GUCY2C: variants seen among roughly 807,000 people sequenced by gnomAD.
GUCY2C encodes guanylyl cyclase C.
In GUCY2C, 118 loss-of-function variants were observed where a neutral mutation model predicts 131.1. The observed-to-expected ratio is 0.90, with a 90% CI of 0.78 to 1.05. The LOEUF is 1.05. Ranked by LOEUF, GUCY2C falls within the 50% of genes least tolerant of loss-of-function variation. The pLI, the probability that GUCY2C is intolerant of heterozygous loss-of-function variation, is 0.00. For synonymous variants in GUCY2C, 452 were observed against 457.8 expected, an observed-to-expected ratio of 0.99 and a Z score of 0.16; for missense variants, 1,161 against 1,304.4, an observed-to-expected ratio of 0.89 and a Z score of 1.69.
intron 5 of GUCY2C, among the ~76,000 whole-genome samples, chr12:14,681,112 G>A (rs1304708246): frequency 1.3e-5 from 2 of 151,964 alleles, no homozygotes; most frequent in African/African-American, 2.4e-5. Flanking sequence ...TAGCATTATC[G>A]TTATTATGTT....
chr12:14,655,968 A>C (rs1011292784), intron 12 of GUCY2C, among the ~76,000 whole-genome samples: 1 of 152,196 alleles, frequency 6.6e-6, no homozygotes, highest in African/African-American at 2.4e-5. Flanking sequence ...TTTCCTCATC[A>C]GCAAAATTAT....
chr12:14,676,322 G>A (rs886694214), intron 7 of GUCY2C, among the ~76,000 whole-genome samples: 2 of 152,100 alleles, frequency 1.3e-5, no homozygotes. Context: ...ATGGCATAAT[G>A]GAATAACAGG....
chr12:14,675,219 AAAAAAAAAAAG>A, intron 7 of GUCY2C, among the ~76,000 whole-genome samples: 1 of 147,992 alleles, frequency 6.8e-6, no homozygotes, highest in Non-Finnish European at 1.5e-5. Context: ...AAAAAAAAAA[AAAAAAAAAAAG>A]AAAAAAAGAA....
At chr12:14,639,825 G>T in intron 19 of GUCY2C, 37 bp downstream of exon 19, 1 of 1,222,234 alleles carries the variant, frequency 8.2e-7, no homozygotes, top group Non-Finnish European at 1.2e-6. Context: ...TAATTTTATA[G>T]CAGGCCAAGG....
chr12:14,627,402 A>C (rs1199388500), intron 20 of GUCY2C, among the ~76,000 whole-genome samples: 1 of 152,180 alleles, frequency 6.6e-6, no homozygotes, highest in Non-Finnish European at 1.5e-5. Context: ...TTTTACTTGA[A>C]ACTGCCAGTA....
intron 7 of GUCY2C, 52 bp from the exon 8 acceptor site, chr12:14,674,812 C>T: frequency 7.1e-7 from 1 of 1,417,928 alleles, no homozygotes; most frequent in Middle Eastern, 1.9e-4. Flanking sequence ...AGAATCTTGT[C>T]TTGAGCCTAG....
intron 2 of GUCY2C, 124 bp from the exon 3 acceptor site, chr12:14,686,349 TCAGAGCAA>T: frequency 1.4e-6 from 1 of 690,630 alleles, no homozygotes; most frequent in Non-Finnish European, 2.6e-6. Context: ...ATGCTCAAAC[TCAGAGCAA>T]CATAGGGTGC....
chr12:14,643,652 T>C lies in GUCY2C; in HGVS notation c.1852A>G (p.Thr618Ala). 6.2e-7 allele frequency: 1 copy of C among 1,613,192 alleles called. No individual in the cohort carries two copies. Among genetic ancestry groups the C allele is most frequent in the Non-Finnish European group, 8.5e-7 (1 of 1,179,122 alleles). Residue 618 changes from threonine to alanine, a missense_variant, in exon 17 of 27, where the codon ACC (threonine) becomes GCC (alanine). Transcript: ENST00000261170. ...ATTCTACTGTCCACTACGCAGTTGG[T>C]AGATTTCAGACGACCATGGACTTCT... ...KTEVHGRLKSTNCVVDSRMVV... is the reference protein window; with the variant it reads ...KTEVHGRLKSANCVVDSRMVV...
intron 8 of GUCY2C, 152 bp downstream of exon 8, chr12:14,674,473 C>T (rs780958496): frequency 3.3e-5 from 26 of 786,218 alleles, no homozygotes; most frequent in Non-Finnish European, 4.3e-5. Flanking sequence ...ACAGCACCCT[C>T]AAAGTTTATG....
intron 2 of GUCY2C, among the ~76,000 whole-genome samples, chr12:14,687,218 C>G (rs1948488617): frequency 6.6e-6 from 1 of 152,174 alleles, no homozygotes; most frequent in East Asian, 1.9e-4. Flanking sequence ...TGACTTGAAA[C>G]AGAGATTTCT....
At chr12:14,644,895 C>T (rs1354672832) in intron 16 of GUCY2C, among the ~76,000 whole-genome samples, 1 of 151,966 alleles carries the variant, frequency 6.6e-6, no homozygotes, top group East Asian at 1.9e-4. Context: ...GCTTGAGCCA[C>T]TGCGCCCAGC....
chr12:14,695,133 G>A (rs1948633920), intron 1 of GUCY2C, among the ~76,000 whole-genome samples: 1 of 152,130 alleles, frequency 6.6e-6, no homozygotes, highest in South Asian at 2.1e-4. Flanking sequence ...ATAATGTGAA[G>A]TGAACCAGAA....
intron 19 of GUCY2C, among the ~76,000 whole-genome samples, chr12:14,636,076 G>A (rs1947263625): frequency 1.3e-5 from 2 of 152,028 alleles, no homozygotes; most frequent in African/African-American, 2.4e-5. Context: ...CAAAAAAATT[G>A]AATAGGGAAT....
chr12:14,683,785 T>G (rs1178458510), intron 3 of GUCY2C, among the ~76,000 whole-genome samples: 1 of 152,218 alleles, frequency 6.6e-6, no homozygotes, highest in Non-Finnish European at 1.5e-5. Context: ...GGCTTCCTGC[T>G]TGCATCTCAA....
In GUCY2C at chr12:14,660,975, C is replaced by A; in HGVS notation, c.1364+6G>T. ...CCGAACACAGGCATGATAGAGGCGG[C>A]TGTACCTGAGCATCAGGAGAGCGAC... On this transcript the variant is annotated splice_donor_region_variant and intron_variant, in intron 11 of 26. Transcript: ENST00000261170. 6.3e-7 allele frequency: 1 copy of A among 1,596,346 alleles called. No homozygotes were observed. The highest frequency in any genetic ancestry group is 8.6e-7 in the Non-Finnish European group (1 of 1,163,884).
intron 19 of GUCY2C, among the ~76,000 whole-genome samples, chr12:14,635,211 G>A (rs75666953): frequency 0.038 from 5,718 of 152,138 alleles, 354 homozygotes; most frequent in African/African-American, 0.13. Flanking sequence ...CATATGTTAC[G>A]ACACAAAACC....
Position 14,674,753 on chromosome 12 carries a change from C to T in GUCY2C, c.956G>A (p.Arg319Gln), listed in dbSNP as rs145773341. ...ATTCAAATAGGCAAGAGCAAAGTCT[C>T]GTTTTGTCTAAATAAAAAAGGAAAA... ...SFSRNLSPTK[R>Q]DFALAYLNGI... The change falls in exon 8 of 27, where the codon CGA becomes CAA. Residue 319 changes from arginine to glutamine, a missense_variant. Arg to Gln is a conservative substitution (Grantham distance 43, BLOSUM62 1). Transcript: ENST00000261170. The T allele has an allele frequency of 6.1e-5, 97 of 1,602,156 alleles. No individual in the cohort carries two copies. The highest frequency in any genetic ancestry group is 4.1e-5 in the African/African-American group (3 of 74,072).
intron 18 of GUCY2C, 92 bp downstream of exon 18, chr12:14,640,990 T>C: frequency 9.2e-7 from 1 of 1,090,012 alleles, no homozygotes; most frequent in Non-Finnish European, 1.4e-6. Context: ...GAAGGAATTG[T>C]GATGTGGTTA....
Position 14,613,187 on chromosome 12 carries a change from G to GC in GUCY2C, c.3151dup (p.Ala1051GlyfsTer4), listed in dbSNP as rs772958059. 1.9e-5 allele frequency: 31 copies of GC among 1,613,406 alleles called. No individual in the cohort carries two copies. Among genetic ancestry groups the GC allele is most frequent in the Non-Finnish European group, 1.9e-5 (22 of 1,179,472 alleles). On this transcript the variant is annotated frameshift_variant, in exon 27 of 27. Transcript: ENST00000261170. LOFTEE classifies it high-confidence loss of function. The surrounding 1 kb of genome is among the most constrained non-coding windows in gnomAD (Gnocchi z 4.9). ...TTCCAGAGTGCCTTTTTTATAGCTG[G>GC]CTACCCGTCTGGGTTTTTGGCTTCT... is the stretch of plus-strand genomic sequence containing the variant.
Sources: allele counts gnomAD v4.1 joint callset (sites outside exome capture counted in the v4.1 genomes callset), GRCh38; gene constraint gnomAD v4.1.1; non-coding constraint Gnocchi (gnomAD v3.1); transcripts MANE v1.5; gene names NCBI Gene and HGNC (gene_info 2026-07-23, HGNC 2026-07-21).